ECE1: variants seen among roughly 807,000 people sequenced by gnomAD.
The protein encoded by ECE1 is endothelin converting enzyme 1, also known as endothelin-converting enzyme 1.
Under a neutral mutation model 98.6 loss-of-function variants are expected in ECE1, and 35 were observed. That is an observed-to-expected ratio of 0.35 (90% CI 0.27 to 0.47). The LOEUF (loss-of-function observed/expected upper bound fraction) is 0.47, where lower values mean the gene tolerates loss of function less well. Among genes scored for constraint, ECE1 ranks in the 20% least tolerant of loss-of-function variants. The pLI is 1.00. For synonymous variants in ECE1, 394 were observed against 407.1 expected (o/e 0.97, Z 0.39); for missense variants, 814 against 1,025.3 (o/e 0.79, Z 2.81).
chr1:21,247,137 A>G, intron 9 of ECE1, 84 bp downstream of exon 9: 7 of 1,597,628 alleles, frequency 4.4e-6, no homozygotes, highest in East Asian at 2.2e-5. Flanking sequence ...CCTGAGTCAG[A>G]CTGTCATCCC....
At chr1:21,332,999 C>G (rs911633650) in intron 1 of ECE1, among the ~76,000 whole-genome samples, 4 of 152,182 alleles carry the variant, frequency 2.6e-5, no homozygotes, top group Non-Finnish European at 5.9e-5. Flanking sequence ...TGCTGCTCCT[C>G]TCACTGAATA....
chr1:21,340,012 C>T lies in ECE1; in HGVS notation c.3+5364G>A, dbSNP rs1190819543. 1.3e-5 allele frequency among the ~76,000 whole-genome samples: 2 copies of T among 152,200 alleles called. No individual in the cohort carries two copies. The highest frequency in any genetic ancestry group is 4.8e-5 in the African/African-American group (2 of 41,430). ...TATTAACTCTTCAAGGACAAGTGAA[C>T]CCCCCTCCTAATTTTTTATGTGTCC... On this transcript the variant is annotated intron_variant, in intron 1 of 18. Transcript: ENST00000415912. This position sits in a 1 kb window ranked among gnomAD's most constrained non-coding sequence, Gnocchi z 4.6.
intron 8 of ECE1, among the ~76,000 whole-genome samples, chr1:21,248,327 C>T (rs2098207017): frequency 6.6e-6 from 1 of 152,180 alleles, no homozygotes; most frequent in Non-Finnish European, 1.5e-5. Context: ...GCACCCACCA[C>T]CATGCCCACT....
chr1:21,308,414 T>C (rs1471572573), intron 1 of ECE1, among the ~76,000 whole-genome samples: 1 of 151,810 alleles, frequency 6.6e-6, no homozygotes, highest in African/African-American at 2.4e-5. Flanking sequence ...GCACTCTCTA[T>C]TTGGGGGAAC....
Position 21,345,157 on chromosome 1 carries a change from C to T in ECE1, c.3+219G>A. The T allele has an allele frequency of 2.1e-6, 1 of 469,728 alleles. No homozygotes were observed. The highest frequency in any genetic ancestry group is 3.0e-6 in the Non-Finnish European group (1 of 330,830). 29.1% of individuals were successfully genotyped at this position (469,728 alleles called of 1,614,324 possible). A position where few individuals can be genotyped will look rare whatever the true frequency, so the allele number is the denominator to read the frequency against. On this transcript the variant is annotated intron_variant, in intron 1 of 18. Coordinates refer to the ECE1 transcript ENST00000415912. This position sits in a 1 kb window ranked among gnomAD's most constrained non-coding sequence, Gnocchi z 5.1. Reference sequence around the variant, plus strand: ...GGACCAGAACCAAGCTCGGCGCGGCCGCCCCCGACGGGACCAAGCGCAGCG... The same window carrying T: ...GGACCAGAACCAAGCTCGGCGCGGCTGCCCCCGACGGGACCAAGCGCAGCG...
intron 8 of ECE1, among the ~76,000 whole-genome samples, chr1:21,255,429 T>G (rs1435140537): frequency 6.6e-6 from 1 of 152,204 alleles, no homozygotes; most frequent in Non-Finnish European, 1.5e-5. Context: ...GACGTTGGGC[T>G]TCTCCAATGG....
Position 21,258,597 on chromosome 1 carries a change from AG to A in ECE1, c.762+95del. 2 of 611,750 alleles carry A rather than the reference AG, an allele frequency of 3.3e-6. No individual in the cohort carries two copies. Among genetic ancestry groups the A allele is most frequent in the Non-Finnish European group, 3.0e-6 (1 of 335,556 alleles). The allele number at this position is 611,750 out of a possible 1,614,324, so 37.9% of individuals were successfully genotyped here. On this transcript the variant is annotated intron_variant, in intron 6 of 18. Coordinates refer to ENST00000374893, the MANE Select transcript of ECE1 (RefSeq NM_001397.3). The surrounding 1 kb of genome is among the most constrained non-coding windows in gnomAD (Gnocchi z 4.2). ...AAACTAGAAGACCGCCGTCCCACCCAGGGCAAGCCCCTCTCCCACCCCAGGT... is the reference window on the plus strand; with the variant it reads ...AAACTAGAAGACCGCCGTCCCACCCAGGCAAGCCCCTCTCCCACCCCAGGT...
rs141607382 is a variant in ECE1, at chr1:21,327,397, C to A, written c.3+17979G>T. Among the ~76,000 whole-genome samples the A allele has an allele frequency of 2.0e-5, 3 of 152,308 alleles. No individual in the cohort carries two copies. Among genetic ancestry groups the A allele is most frequent in the East Asian group, 3.9e-4 (2 of 5,176 alleles). On this transcript the variant is annotated intron_variant, in intron 1 of 18. Coordinates refer to the ECE1 transcript ENST00000415912. This position sits in a 1 kb window ranked among gnomAD's most constrained non-coding sequence, Gnocchi z 4.6. Reference sequence around the variant, plus strand: ...CACTCCAATCAATCACCAGGCCCTGCCCACTCTACTCAGTTTCTCTGTCTG... The same window carrying A: ...CACTCCAATCAATCACCAGGCCCTGACCACTCTACTCAGTTTCTCTGTCTG...
chr1:21,273,430 G>A (rs184055545), intron 3 of ECE1, among the ~76,000 whole-genome samples: 1 of 151,946 alleles, frequency 6.6e-6, no homozygotes, highest in East Asian at 1.9e-4. Context: ...TTTAATCCAA[G>A]AGCTAACAAT....
intron 15 of ECE1, among the ~76,000 whole-genome samples, chr1:21,227,691 TC>T (rs1198430017): frequency 6.6e-6 from 1 of 152,140 alleles, no homozygotes; most frequent in African/African-American, 2.4e-5. Context: ...GAGGGGCGTT[TC>T]CCTGAGGTAG....
chr1:21,284,836 T>TGGTCTGGGCAAG (rs1553365880), intron 2 of ECE1, among the ~76,000 whole-genome samples: 3 of 151,808 alleles, frequency 2.0e-5, no homozygotes, highest in African/African-American at 7.3e-5. Flanking sequence ...GCAATGGGAG[T>TGGTCTGGGCAAG]GGTCTGGGCA....
chr1:21,247,365 T>C lies in ECE1; in HGVS notation c.1021-2A>G, dbSNP rs1558384310. ...CCAGTTGATGGCGGGTGCCAAGGTC[T>C]GCAAGGGAAAAGGACAGTGTGACCC... On this transcript the variant is annotated splice_acceptor_variant, in intron 8 of 18. Coordinates refer to ENST00000374893, the MANE Select transcript of ECE1 (RefSeq NM_001397.3). LOFTEE classifies it high-confidence loss of function. The C allele has an allele frequency of 5.6e-6, 9 of 1,614,192 alleles. No homozygotes were observed. Among genetic ancestry groups the C allele is most frequent in the African/African-American group, 1.3e-5 (1 of 75,050 alleles).
rs1348990284 is a variant in ECE1, at chr1:21,307,358, G to A, written c.4-17202C>T. On this transcript the variant is annotated intron_variant, in intron 1 of 18. Transcript: ENST00000415912. This position sits in a 1 kb window ranked among gnomAD's most constrained non-coding sequence, Gnocchi z 4.2. Reference sequence around the variant, plus strand: ...GCTTAGCAGCTGTGTGATGTTGAGCGAGTCATGTCACCTCTCGGAGCCTCA... The same window carrying A: ...GCTTAGCAGCTGTGTGATGTTGAGCAAGTCATGTCACCTCTCGGAGCCTCA... Among the ~76,000 whole-genome samples the A allele has an allele frequency of 6.6e-6, 1 of 152,180 alleles. No individual in the cohort carries two copies. Among genetic ancestry groups the A allele is most frequent in the East Asian group, 1.9e-4 (1 of 5,192 alleles).
At chr1:21,299,153 T>C in intron 1 of ECE1, 1 of 260,228 alleles carries the variant, frequency 3.8e-6, no homozygotes, top group South Asian at 4.1e-5. Flanking sequence ...TGCCCAGTAA[T>C]TGTGCTCAAC....
rs901311488 is a variant in ECE1, at chr1:21,302,049, G to C, written c.4-11893C>G. ...TCCCCTGATGTGGAGCTGCAGGAAAGCACGTGAGGCCCAAGTGCGGCCCAA... is the reference window on the plus strand; with the variant it reads ...TCCCCTGATGTGGAGCTGCAGGAAACCACGTGAGGCCCAAGTGCGGCCCAA... On this transcript the variant is annotated intron_variant, in intron 1 of 18. Transcript: ENST00000415912. Among the ~76,000 whole-genome samples, 2 of 152,164 alleles carry C rather than the reference G, an allele frequency of 1.3e-5. 1 individual carries two copies. Among genetic ancestry groups the C allele is most frequent in the South Asian group, 4.1e-4 (2 of 4,830 alleles).
rs753731617 is a variant in ECE1, at chr1:21,225,361, C to T, written c.1929G>A (p.Glu643=). 2 of 1,614,250 alleles carry T rather than the reference C, an allele frequency of 1.2e-6. No individual in the cohort carries two copies. The highest frequency in any genetic ancestry group is 2.2e-5 in the South Asian group (2 of 91,092). The change falls in exon 17 of 19, where the codon GAG becomes GAA. Residue 643 remains glutamate (E), a synonymous_variant. Transcript: ENST00000374893. The surrounding 1 kb of genome is among the most constrained non-coding windows in gnomAD (Gnocchi z 5.3). ...AGTTGCTGTACTGCTCTACCATGCA[C>T]TCGGTCTGACGCTTGAAGGCCTCCA... ...SSVEAFKRQT[E]CMVEQYSNYS... is the part of the protein sequence containing the mutation.
intron 12 of ECE1, among the ~76,000 whole-genome samples, chr1:21,236,378 G>T (rs545336892): frequency 6.6e-6 from 1 of 152,386 alleles, no homozygotes; most frequent in South Asian, 2.1e-4. Flanking sequence ...CACCGGGCGC[G>T]GTGGCTTATG....
At position 21,288,681 on chromosome 1, in the gene ECE1, G is replaced by C. The variant is rs150362196; in HGVS notation, c.138+1389C>G. On this transcript the variant is annotated intron_variant, in intron 2 of 18. Coordinates refer to ENST00000374893, the MANE Select transcript of ECE1 (RefSeq NM_001397.3). ...TGAAAAACATTGCTGATTAGATTCT[G>C]TTTTGATTTGAGAAGGGAAAAGCAC... is the stretch of plus-strand genomic sequence containing the variant. Among the ~76,000 whole-genome samples the C allele has an allele frequency of 2.9e-3, 442 of 152,334 alleles. 1 individual carries two copies. Among genetic ancestry groups the C allele is most frequent in the African/African-American group, 9.9e-3 (410 of 41,582 alleles).
chr1:21,244,864 A>T (rs2098201140), intron 10 of ECE1, 125 bp downstream of exon 10: 15 of 866,244 alleles, frequency 1.7e-5, no homozygotes, highest in Non-Finnish European at 2.9e-5. Context: ...ACTTGGCATA[A>T]GCACTCCTTC....
Sources: allele counts gnomAD v4.1 joint callset (sites outside exome capture counted in the v4.1 genomes callset), GRCh38; gene constraint gnomAD v4.1.1; non-coding constraint Gnocchi (gnomAD v3.1); transcripts MANE v1.5; gene names NCBI Gene and HGNC (gene_info 2026-07-23, HGNC 2026-07-21).